FAT3: variants seen among roughly 807,000 people sequenced by gnomAD.
The protein encoded by FAT3 is protocadherin Fat 3.
FAT3 carries 95 observed loss-of-function variants against 310.2 expected under a neutral mutation model. The ratio of observed to expected loss-of-function variants is 0.31; its 90% CI spans 0.26 to 0.36. The LOEUF (loss-of-function observed/expected upper bound fraction) is 0.36. Ranked by LOEUF, FAT3 falls within the 10% of genes least tolerant of loss-of-function variation. FAT3 has a pLI of 1.00. For missense variants in FAT3, 5,408 were observed against 5,715.6 expected (o/e 0.95, Z 1.74); for synonymous variants, 2,314 against 2,192.9 (o/e 1.06, Z -1.54).
At chr11:92,424,574 T>C (rs754516192) in intron 2 of FAT3, among the ~76,000 whole-genome samples, 11 of 152,138 alleles carry the variant, frequency 7.2e-5, no homozygotes, top group Non-Finnish European at 1.5e-4. Flanking sequence ...ACTATTGCAG[T>C]CTAGTAGTAG....
intron 2 of FAT3, among the ~76,000 whole-genome samples, chr11:92,394,429 G>A (rs1212896086): frequency 1.3e-5 from 2 of 152,002 alleles, no homozygotes; most frequent in African/African-American, 2.4e-5. Flanking sequence ...AGCCTATGCT[G>A]GAAAGAAAGA....
At chr11:92,231,487 T>C (rs1319528298) in intron 1 of FAT3, among the ~76,000 whole-genome samples, 1 of 152,170 alleles carries the variant, frequency 6.6e-6, no homozygotes, top group Non-Finnish European at 1.5e-5. Context: ...TTTTGAGATG[T>C]TGGAGATAAG....
chr11:92,890,408 T>C (rs2136441235), intron 27 of FAT3, 83 bp from the exon 28 acceptor site: 3 of 1,476,402 alleles, frequency 2.0e-6, no homozygotes, highest in Non-Finnish European at 9.1e-7. Flanking sequence ...AAATTGCATG[T>C]CAGGTCCCTT....
At chr11:92,717,428 G>A (rs1010526746) in intron 4 of FAT3, among the ~76,000 whole-genome samples, 2 of 152,138 alleles carry the variant, frequency 1.3e-5, no homozygotes, top group African/African-American at 4.8e-5. Context: ...TCCTCTCACA[G>A]CTCTGTCAGG....
intron 3 of FAT3, among the ~76,000 whole-genome samples, chr11:92,677,758 A>G (rs1943335825): frequency 6.6e-6 from 1 of 152,302 alleles, no homozygotes; most frequent in South Asian, 2.1e-4. Flanking sequence ...CGTCCAGGTT[A>G]TTGGTGTTTT....
intron 3 of FAT3, among the ~76,000 whole-genome samples, chr11:92,608,749 C>A (rs1373195645): frequency 1.7e-5 from 1 of 59,702 alleles, no homozygotes. Flanking sequence ...AATAATACTC[C>A]TCACATGCAA....
intron 3 of FAT3, among the ~76,000 whole-genome samples, chr11:92,620,720 AT>A (rs1411758542): frequency 6.6e-6 from 1 of 152,084 alleles, no homozygotes; most frequent in African/African-American, 2.4e-5. Context: ...CTTTTATTTG[AT>A]TTTTTTAAAG....
intron 3 of FAT3, among the ~76,000 whole-genome samples, chr11:92,598,659 G>T (rs1460720618): frequency 6.6e-6 from 1 of 152,134 alleles, no homozygotes; most frequent in Non-Finnish European, 1.5e-5. Flanking sequence ...AAAGTGGCAG[G>T]AACAATGGAA....
Position 92,880,787 on chromosome 11 carries a change from A to G in FAT3, c.12184A>G (p.Thr4062Ala), listed in dbSNP as rs1455926632. 4 of 1,614,014 alleles carry G rather than the reference A, an allele frequency of 2.5e-6. No individual in the cohort carries two copies. Among genetic ancestry groups the G allele is most frequent in the Middle Eastern group, 1.6e-4 (1 of 6,062 alleles). The change falls in exon 23 of 28, where the codon ACA (threonine) becomes GCA (alanine). Residue 4062 changes from threonine to alanine, a missense_variant. Physicochemically the swap from Thr to Ala is moderately conservative, Grantham distance 58 (BLOSUM62 0). Coordinates refer to ENST00000525166, the MANE Select transcript of FAT3 (RefSeq NM_001367949.2). ...FTGRNCESEI[T>A]ACFPNPCRNG... The stretch of plus-strand genomic sequence containing the variant: ...GGGGAGAAACTGTGAATCTGAGATT[A>G]CAGCCTGCTTCCCAAACCCCTGCCG...
intron 4 of FAT3, among the ~76,000 whole-genome samples, chr11:92,705,794 A>G (rs1481663508): frequency 4.8e-4 from 17 of 35,200 alleles, no homozygotes; most frequent in South Asian, 8.5e-4. Context: ...TGGTGGTGTG[A>G]TGGTGTTGGT....
chr11:92,284,011 C>A (rs779499134), intron 1 of FAT3, among the ~76,000 whole-genome samples: 153 of 152,078 alleles, frequency 1.0e-3, no homozygotes, highest in Non-Finnish European at 1.9e-3. Flanking sequence ...TGTGTTTCTG[C>A]AAGTTTCCTG....
Position 92,355,138 on chromosome 11 carries a change from C to A in FAT3, c.3026C>A (p.Thr1009Asn). 6.2e-7 allele frequency: 1 copy of A among 1,613,820 alleles called. No individual in the cohort carries two copies. Among genetic ancestry groups the A allele is most frequent in the African/African-American group, 1.3e-5 (1 of 75,038 alleles). Residue 1009 changes from threonine to asparagine, a missense_variant, in exon 2 of 28, where the codon ACT (threonine) becomes AAT (asparagine). This residue lies in a region of FAT3 where 4,588 missense variants were observed against 4,809.8 expected (regional missense o/e 0.95). Transcript: ENST00000525166. ...GAGAAACAGCAGTTCTATAACCTTA[C>A]TGTGCGGGCCAAAGACAAAGGGCGG... ...DYEKQQFYNL[T>N]VRAKDKGRPV...
At chr11:92,444,963 G>A (rs1457271817) in intron 2 of FAT3, among the ~76,000 whole-genome samples, 2 of 152,160 alleles carry the variant, frequency 1.3e-5, no homozygotes, top group East Asian at 3.9e-4. Context: ...GCCTCCAAAT[G>A]TGACTATATT....
chr11:92,460,771 A>G (rs1951618624), intron 2 of FAT3, among the ~76,000 whole-genome samples: 1 of 152,198 alleles, frequency 6.6e-6, no homozygotes, highest in African/African-American at 2.4e-5. Context: ...CTCATTAGAT[A>G]TATGTTATGG....
intron 2 of FAT3, among the ~76,000 whole-genome samples, chr11:92,464,470 C>G (rs1951711631): frequency 1.3e-5 from 2 of 152,198 alleles, no homozygotes; most frequent in African/African-American, 4.8e-5. Flanking sequence ...GGGGCTTCCC[C>G]AGACCCACAT....
chr11:92,453,792 A>G (rs558990977), intron 2 of FAT3, among the ~76,000 whole-genome samples: 1 of 152,286 alleles, frequency 6.6e-6, no homozygotes, highest in African/African-American at 2.4e-5. Context: ...CTATCAAATA[A>G]ATGTTCATAT....
intron 2 of FAT3, among the ~76,000 whole-genome samples, chr11:92,507,268 TAGA>T (rs1279810301): frequency 6.6e-6 from 1 of 152,120 alleles, no homozygotes; most frequent in Non-Finnish European, 1.5e-5. Flanking sequence ...AAGAAATCTA[TAGA>T]AGATGAGAAC....
chr11:92,367,511 C>G, intron 2 of FAT3, among the ~76,000 whole-genome samples: 1 of 152,072 alleles, frequency 6.6e-6, no homozygotes, highest in South Asian at 2.1e-4. Flanking sequence ...GCAGTCCCAG[C>G]TAGTGGGGCA....
At chr11:92,259,542 AAAAAATAAATAAATAAAAAT>A (rs1437694321) in intron 1 of FAT3, among the ~76,000 whole-genome samples, 1 of 149,470 alleles carries the variant, frequency 6.7e-6, no homozygotes, top group Non-Finnish European at 1.5e-5. Flanking sequence ...ACAAGCTAAC[AAAAAATAAATAAATAAAAAT>A]AAAAATAAAT....
Sources: allele counts gnomAD v4.1 joint callset (sites outside exome capture counted in the v4.1 genomes callset), GRCh38; gene constraint gnomAD v4.1.1; regional missense constraint gnomAD v4.1.1; transcripts MANE v1.5; gene names NCBI Gene and HGNC (gene_info 2026-07-23, HGNC 2026-07-21).